Variants in TIMMDC1 observed in about 807,000 individuals in gnomAD.
The protein encoded by TIMMDC1 is translocase of inner mitochondrial membrane domain containing 1.
A neutral mutation model predicts 32.6 loss-of-function variants in TIMMDC1; 25 were observed. The ratio of observed to expected loss-of-function variants is 0.77; its 90% CI spans 0.56 to 1.07. TIMMDC1 has a LOEUF of 1.07. TIMMDC1 is among the 50% of genes least tolerant of loss of function. The pLI is 0.00. For missense variants in TIMMDC1, 329 were observed against 349.2 expected (o/e 0.94, Z 0.46); for synonymous variants, 130 against 127.6 (o/e 1.02, Z -0.13).
At chr3:119,499,055 C>T in intron 1 of TIMMDC1, 128 bp downstream of exon 1, 3 of 667,632 alleles carry the variant, frequency 4.5e-6, no homozygotes, top group South Asian at 2.0e-5. Context: ...ATTTGAGGTT[C>T]TGATATTTGT....
In TIMMDC1 at chr3:119,500,862, T is replaced by A. The variant is rs745872025; in HGVS notation, c.360+2T>A. On this transcript the variant is annotated splice_donor_variant, in intron 2 of 6. Coordinates refer to ENST00000494664, the MANE Select transcript of TIMMDC1 (RefSeq NM_016589.4). LOFTEE classifies it high-confidence loss of function. ...TATCATAACCGGTTTGATGCTGTGG[T>A]ATGTACTGGTGATCTAAAGAAATTT... 6.2e-7 allele frequency: 1 copy of A among 1,611,818 alleles called. No homozygotes were observed. Among genetic ancestry groups the A allele is most frequent in the Non-Finnish European group, 8.5e-7 (1 of 1,179,126 alleles).
Position 119,498,819 on chromosome 3 carries a change from C to G in TIMMDC1, c.86C>G (p.Thr29Ser), listed in dbSNP as rs770678269. Residue 29 changes from threonine to serine, a missense_variant, in exon 1 of 7, where the codon ACT becomes AGT. Thr to Ser is a moderately conservative substitution (Grantham distance 58). Coordinates refer to ENST00000494664, the MANE Select transcript of TIMMDC1 (RefSeq NM_016589.4). ...CGAGTCTTTGCTGCCGAAGCTGTGA[C>G]TGCCGATTCGGAAGTCCTTGAGGAG... is the stretch of plus-strand genomic sequence containing the variant. ...FPRVFAAEAV[T>S]ADSEVLEERQ... 61 of 1,614,138 alleles carry G rather than the reference C, an allele frequency of 3.8e-5. No individual in the cohort carries two copies. In the East Asian group the frequency reaches 1.3e-3, roughly 35 times the overall value.
chr3:119,503,338 G>C (rs2081892656), intron 2 of TIMMDC1, among the ~76,000 whole-genome samples, 194 bp from the exon 3 acceptor site: 1 of 152,122 alleles, frequency 6.6e-6, no homozygotes, highest in Admixed American at 6.5e-5. Flanking sequence ...TTCATCTCCT[G>C]ATAGGATAGG....
chr3:119,505,426 C>T (rs1051408115), intron 4 of TIMMDC1, among the ~76,000 whole-genome samples: 14 of 151,696 alleles, frequency 9.2e-5, no homozygotes, highest in Non-Finnish European at 1.6e-4. Flanking sequence ...TACAATGGCG[C>T]GATCTCAGCT....
chr3:119,501,607 G>A (rs1560044990), intron 2 of TIMMDC1, among the ~76,000 whole-genome samples: 2 of 152,032 alleles, frequency 1.3e-5, no homozygotes, highest in Non-Finnish European at 2.9e-5. Flanking sequence ...TTAAAGACCT[G>A]TAAATTTTGC....
rs1577102272 is a variant in TIMMDC1 at position 119,518,421 on chromosome 3, G to A, written c.707+1106G>A. Among the ~76,000 whole-genome samples the A allele has an allele frequency of 1.3e-5, 2 of 151,908 alleles. 1 individual carries two copies. Among genetic ancestry groups the A allele is most frequent in the South Asian group, 4.2e-4 (2 of 4,812 alleles). ...ACCACACACACACAGACACACACAC[G>A]GAAATTCTTAAGAGCTGTAGGTCCA... On this transcript the variant is annotated intron_variant, in intron 6 of 6. Transcript: ENST00000494664.
Position 119,504,035 on chromosome 3 carries a change from G to C in TIMMDC1, c.517+14G>C. On this transcript the variant is annotated intron_variant, in intron 4 of 6. Transcript: ENST00000494664. ...TAATTGCAGGAGGTAAGACATTTTT[G>C]TTTATATTTTTCAGTCTTCTCAAAT... 1 of 1,598,056 alleles carries C rather than the reference G, an allele frequency of 6.3e-7. No homozygotes were observed. Among genetic ancestry groups the C allele is most frequent in the Non-Finnish European group, 8.6e-7 (1 of 1,166,092 alleles).
chr3:119,500,952 G>C lies in TIMMDC1; in HGVS notation c.360+92G>C, dbSNP rs566429527. ...TTCAATTAGGTTGTGGGGATGGAGG[G>C]TTGTTTTAAGGTGTCAGAGTAAAGA... On this transcript the variant is annotated intron_variant, in intron 2 of 6. Coordinates refer to ENST00000494664, the MANE Select transcript of TIMMDC1 (RefSeq NM_016589.4). 5.3e-5 allele frequency: 70 copies of C among 1,322,804 alleles called. No homozygotes were observed. In the South Asian group the frequency reaches 9.9e-4, roughly 19 times the overall value. 81.9% of individuals were successfully genotyped at this position (1,322,804 alleles called of 1,614,324 possible). A position where few individuals can be genotyped will look rare whatever the true frequency, so the allele number is the denominator to read the frequency against.
chr3:119,520,202 C>T (rs965300773), intron 6 of TIMMDC1, among the ~76,000 whole-genome samples: 3 of 151,656 alleles, frequency 2.0e-5, no homozygotes, highest in Non-Finnish European at 4.4e-5. Flanking sequence ...TCAGGGAACT[C>T]GAAAAGCAAG....
rs777184807 is a variant in TIMMDC1, at chr3:119,498,884, C to T, written c.151C>T (p.Pro51Ser). ...TCCCTACGTCCCAGAGCCCTATTAC[C>T]CGGAATCTGGATGGGACCGCCTCCG... ...RLPYVPEPYY[P>S]ESGWDRLREL... Residue 51 changes from proline to serine, a missense_variant, in exon 1 of 7, where the codon CCG (proline) becomes TCG (serine). Coordinates refer to ENST00000494664, the MANE Select transcript of TIMMDC1 (RefSeq NM_016589.4). 1 of 1,614,022 alleles carries T rather than the reference C, an allele frequency of 6.2e-7. No individual in the cohort carries two copies. Among genetic ancestry groups the T allele is most frequent in the East Asian group, 2.2e-5 (1 of 44,874 alleles).
At chr3:119,520,000 T>C (rs2082014529) in intron 6 of TIMMDC1, among the ~76,000 whole-genome samples, 1 of 152,100 alleles carries the variant, frequency 6.6e-6, no homozygotes, top group African/African-American at 2.4e-5. Context: ...TAATATGCTC[T>C]GGAACAACCA....
At chr3:119,519,372 C>A (rs2082007954) in intron 6 of TIMMDC1, among the ~76,000 whole-genome samples, 2 of 152,148 alleles carry the variant, frequency 1.3e-5, no homozygotes, top group South Asian at 4.1e-4. Flanking sequence ...AAACTCACTT[C>A]ACCTGTAAAG....
intron 6 of TIMMDC1, among the ~76,000 whole-genome samples, chr3:119,519,905 AT>A (rs2082013784): frequency 6.9e-6 from 1 of 145,764 alleles, no homozygotes; most frequent in Non-Finnish European, 1.5e-5. Context: ...ATAACATCAA[AT>A]ATTTTTTCAG....
At chr3:119,512,944 T>C (rs1476826628) in intron 4 of TIMMDC1, among the ~76,000 whole-genome samples, 1 of 152,128 alleles carries the variant, frequency 6.6e-6, no homozygotes, top group African/African-American at 2.4e-5. Context: ...TTTTGCCATG[T>C]TGTCCAGGCT....
chr3:119,502,110 C>T (rs2081880678), intron 2 of TIMMDC1, among the ~76,000 whole-genome samples: 2 of 152,050 alleles, frequency 1.3e-5, no homozygotes, highest in African/African-American at 2.4e-5. Flanking sequence ...TGTAAATATC[C>T]TGCTTTTCAT....
chr3:119,504,088 TAC>T (rs1361343435), intron 4 of TIMMDC1, 67 bp downstream of exon 4: 2 of 1,212,214 alleles, frequency 1.6e-6, no homozygotes, highest in East Asian at 4.7e-5. Context: ...TAAGGACTTA[TAC>T]ATCAGAACTA....
intron 4 of TIMMDC1, among the ~76,000 whole-genome samples, chr3:119,507,860 C>A: frequency 6.6e-6 from 1 of 152,120 alleles, no homozygotes; most frequent in East Asian, 1.9e-4. Flanking sequence ...TTTTAGTGAG[C>A]CTGTGCTTCT....
At chr3:119,511,657 A>T (rs990709592) in intron 4 of TIMMDC1, among the ~76,000 whole-genome samples, 2 of 152,226 alleles carry the variant, frequency 1.3e-5, no homozygotes, top group Non-Finnish European at 2.9e-5. Context: ...TATGGAAGAC[A>T]TTAAATGTAA....
intron 4 of TIMMDC1, among the ~76,000 whole-genome samples, chr3:119,508,220 C>G (rs927227180): frequency 6.6e-6 from 1 of 152,152 alleles, no homozygotes; most frequent in African/African-American, 2.4e-5. Flanking sequence ...ATGATTGGCT[C>G]CCCTACAGTT....
Sources: gnomAD v4.1 joint callset for allele counts (sites outside exome capture counted in the v4.1 genomes callset) on GRCh38, gnomAD v4.1.1 for gene constraint, MANE v1.5 for transcripts, NCBI Gene and HGNC (gene_info 2026-07-23, HGNC 2026-07-21) for gene names.